The following CNOT1 variants were observed in gnomAD, a reference collection of about 807,000 sequenced individuals.
CNOT1 encodes CCR4-NOT transcription complex subunit 1, also known as CCR4-associated factor 1.
Under a neutral mutation model 273.8 loss-of-function variants are expected in CNOT1, and 15 were observed. The ratio of observed to expected loss-of-function variants is 0.05; its 90% CI spans 0.04 to 0.08. The LOEUF (loss-of-function observed/expected upper bound fraction) is 0.08. CNOT1 is among the 10% of genes least tolerant of loss of function. The probability of loss-of-function intolerance (pLI) is 1.00; values close to 1 mark genes in which losing one functional copy is unlikely to be tolerated. For synonymous variants in CNOT1, 1,022 were observed against 1,005.5 expected, an observed-to-expected ratio of 1.02 and a Z score of -0.31; for missense variants, 1,644 against 2,912.2, an observed-to-expected ratio of 0.56 and a Z score of 10.02.
intron 42 of CNOT1, among the ~76,000 whole-genome samples, chr16:58,531,369 G>GA (rs1597404373): frequency 2.0e-5 from 3 of 152,140 alleles, no homozygotes; most frequent in East Asian, 1.9e-4. Flanking sequence ...AAGATGGGAG[G>GA]AAAAAAACTT....
chr16:58,586,881 G>T, intron 6 of CNOT1, 133 bp from the exon 7 acceptor site: 1 of 1,083,476 alleles, frequency 9.2e-7, no homozygotes, highest in Non-Finnish European at 1.3e-6. Context: ...GCTTTCTCTA[G>T]CTGACAGGTA....
At chr16:58,566,255 A>G (rs62067282) in intron 16 of CNOT1, among the ~76,000 whole-genome samples, 6,620 of 152,324 alleles carry the variant, frequency 0.043, 424 homozygotes, top group East Asian at 0.26. Flanking sequence ...ATTAACACAC[A>G]TTAAAGATTA....
chr16:58,584,494 C>A (rs1248411270), intron 8 of CNOT1, among the ~76,000 whole-genome samples: 7 of 152,042 alleles, frequency 4.6e-5, no homozygotes, highest in African/African-American at 1.7e-4. Flanking sequence ...CCACACCTAG[C>A]TAATTTTTGT....
At chr16:58,599,102 A>T in intron 2 of CNOT1, 134 bp downstream of exon 2, 1 of 926,244 alleles carries the variant, frequency 1.1e-6, no homozygotes, top group Non-Finnish European at 1.6e-6. Flanking sequence ...ACAGATGATG[A>T]TGACAGAAAT....
chr16:58,587,835 G>C lies in CNOT1; in HGVS notation c.254C>G (p.Pro85Arg). Residue 85 changes from proline (P) to arginine (R), a missense_variant, in exon 4 of 49, where the codon CCA (proline) becomes CGA (arginine). This residue lies in a region of CNOT1 where 706 missense variants were observed against 1,021.2 expected (regional missense o/e 0.69). Coordinates refer to ENST00000317147, the MANE Select transcript of CNOT1 (RefSeq NM_016284.5). ...ATAGGACAGCGTCGAGATAAAATTT[G>C]GCTTTGTAATCAGCAACGCACACTC... ...IQECALLITKPNFISTLSYAI... is the reference protein window; with the variant it reads ...IQECALLITKRNFISTLSYAI... The C allele has an allele frequency of 6.2e-7, 1 of 1,613,750 alleles. No homozygotes were observed.
chr16:58,554,352 G>C (rs2040556930), intron 21 of CNOT1, among the ~76,000 whole-genome samples: 1 of 152,152 alleles, frequency 6.6e-6, no homozygotes, highest in Admixed American at 6.5e-5. Flanking sequence ...CTACAAAGGG[G>C]AACAAGGAAA....
At chr16:58,552,615 T>G (rs2151932367) in intron 22 of CNOT1, among the ~76,000 whole-genome samples, 1 of 152,296 alleles carries the variant, frequency 6.6e-6, no homozygotes, top group East Asian at 1.9e-4. Flanking sequence ...TCCCAGAGAT[T>G]AAGTCATTAC....
At chr16:58,536,899 C>T (rs540497558) in intron 39 of CNOT1, 90 bp downstream of exon 39, 48 of 1,522,330 alleles carry the variant, frequency 3.2e-5, no homozygotes, top group Middle Eastern at 1.8e-4. Context: ...AACTGTCTGA[C>T]CACATGTACG....
chr16:58,594,820 A>G (rs1211233426), intron 2 of CNOT1, among the ~76,000 whole-genome samples: 1 of 150,850 alleles, frequency 6.6e-6, no homozygotes, highest in Non-Finnish European at 1.5e-5. Context: ...AAAAAGAAAA[A>G]GAAAAAGAAA....
intron 1 of CNOT1, among the ~76,000 whole-genome samples, chr16:58,629,271 G>A (rs992570230): frequency 1.3e-5 from 2 of 152,176 alleles, no homozygotes; most frequent in African/African-American, 4.8e-5. Context: ...GGTCCCCCCC[G>A]CCAGAAGCCC....
intron 1 of CNOT1, among the ~76,000 whole-genome samples, chr16:58,600,033 A>AG (rs1468297505): frequency 1.3e-5 from 2 of 152,016 alleles, no homozygotes; most frequent in Admixed American, 6.6e-5. Flanking sequence ...ATTGCACTCC[A>AG]GCTCTGGGCA....
rs1050585105 is a variant in CNOT1 at position 58,534,360 on chromosome 16, G to A, written c.5682C>T (p.Leu1894=). 6 of 1,614,086 alleles carry A rather than the reference G, an allele frequency of 3.7e-6. No homozygotes were observed. Among genetic ancestry groups the A allele is most frequent in the Non-Finnish European group, 4.2e-6 (5 of 1,180,004 alleles). Reference sequence around the variant, plus strand: ...TACACAGACGAAAGAACCTTGTTATGAGATCATCGGTCTTCAGTATTCCTT... The same window carrying A: ...TACACAGACGAAAGAACCTTGTTATAAGATCATCGGTCTTCAGTATTCCTT... ...HQQGILKTDD[L]ITRFFRLCTE... is the part of the protein sequence containing the mutation. The change falls in exon 40 of 49, where the codon CTC becomes CTT. Residue 1894 remains leucine (L), a synonymous_variant. Coordinates refer to ENST00000317147, the MANE Select transcript of CNOT1 (RefSeq NM_016284.5).
chr16:58,592,351 AT>A (rs1006403693), intron 2 of CNOT1, among the ~76,000 whole-genome samples: 8 of 152,136 alleles, frequency 5.3e-5, no homozygotes, highest in Admixed American at 2.6e-4. Context: ...AAAAAAAAAA[AT>A]CTTCCCTATT....
intron 1 of CNOT1, among the ~76,000 whole-genome samples, chr16:58,601,964 C>T (rs1378016788): frequency 6.6e-6 from 1 of 151,946 alleles, no homozygotes; most frequent in Admixed American, 6.6e-5. Context: ...TTACTGGTCT[C>T]TCTAGTCTAC....
chr16:58,567,551 CAA>C (rs35372389), intron 16 of CNOT1, among the ~76,000 whole-genome samples: 18 of 111,676 alleles, frequency 1.6e-4, no homozygotes, highest in Admixed American at 2.9e-4. Context: ...GACATCATCT[CAA>C]AAAAAAAAAA....
In CNOT1 at chr16:58,599,241, G is replaced by C. The variant is rs2042382430; in HGVS notation, c.97C>G (p.Gln33Glu). 16 of 1,614,062 alleles carry C rather than the reference G, an allele frequency of 9.9e-6. No homozygotes were observed. The highest frequency in any genetic ancestry group is 1.4e-5 in the Non-Finnish European group (16 of 1,180,010). ...TTTCTGGCTAGTTTACTTACATGCT[G>C]TATTTCCTGCTGGCTGGCTCGGTAA... ...KNYRASQQEIQHIVNRHGPEA... is the reference protein window; with the variant it reads ...KNYRASQQEIEHIVNRHGPEA... Residue 33 changes from glutamine to glutamate, a missense_variant, in exon 2 of 49, where the codon CAG (glutamine) becomes GAG (glutamate). Transcript: ENST00000317147.
chr16:58,550,217 A>C (rs2040405853), intron 24 of CNOT1, among the ~76,000 whole-genome samples: 1 of 152,252 alleles, frequency 6.6e-6, no homozygotes, highest in Admixed American at 6.5e-5. Context: ...CAGTGTAACC[A>C]AGAATGGGGA....
chr16:58,541,383 T>G lies in CNOT1; in HGVS notation c.4800+118A>C, dbSNP rs1249165708. 2.1e-6 allele frequency: 3 copies of G among 1,444,032 alleles called. No homozygotes were observed. In the East Asian group the frequency reaches 7.2e-5, roughly 35 times the overall value. 89.5% of individuals were successfully genotyped at this position (1,444,032 alleles called of 1,614,324 possible). On this transcript the variant is annotated intron_variant, in intron 34 of 48. Transcript: ENST00000317147. ...AAGAATACCTACAACTCAAAAACTATAGGTGTTTTTTCCCCTGTAAATTAT... is the reference window on the plus strand; with the variant it reads ...AAGAATACCTACAACTCAAAAACTAGAGGTGTTTTTTCCCCTGTAAATTAT...
rs1272604713 is a variant in CNOT1 at position 58,528,529 on chromosome 16, C to G, written c.6399G>C (p.Leu2133=). Residue 2133 remains leucine (L), a synonymous_variant, in exon 44 of 49, where the codon CTG becomes CTC. Transcript: ENST00000317147. ...PNCIQLRNLI[L]SAFPRNMRLP... ...GCCTCATGTTTCTTGGAAAGGCACT[C>G]AGGATCAAATTTCTTAACTGGATAC... 1 of 1,613,716 alleles carries G rather than the reference C, an allele frequency of 6.2e-7. No individual in the cohort carries two copies. Among genetic ancestry groups the G allele is most frequent in the East Asian group, 2.2e-5 (1 of 44,858 alleles).
Sources: allele counts gnomAD v4.1 joint callset (sites outside exome capture counted in the v4.1 genomes callset), GRCh38; gene constraint gnomAD v4.1.1; regional missense constraint gnomAD v4.1.1; transcripts MANE v1.5; gene names NCBI Gene and HGNC (gene_info 2026-07-23, HGNC 2026-07-21).